The following FSTL5 variants were observed in gnomAD, a reference collection of about 807,000 sequenced individuals.
FSTL5 encodes the protein follistatin-related protein 5.
In FSTL5, 62 loss-of-function variants were observed where a neutral mutation model predicts 89.1. The observed-to-expected ratio is 0.70, with a 90% CI of 0.57 to 0.86. The LOEUF (loss-of-function observed/expected upper bound fraction) is 0.86. Among genes scored for constraint, FSTL5 ranks in the 40% least tolerant of loss-of-function variants. The pLI, the probability that FSTL5 is intolerant of heterozygous loss-of-function variation, is 0.00. For missense variants in FSTL5, 1,057 were observed against 1,001.6 expected (o/e 1.06, Z -0.75); for synonymous variants, 383 against 346.2 (o/e 1.11, Z -1.18).
In FSTL5 at chr4:161,700,412, C is replaced by T. The variant is rs150963601; in HGVS notation, c.728-43918G>A. On this transcript the variant is annotated intron_variant, in intron 6 of 15. Coordinates refer to ENST00000306100, the MANE Select transcript of FSTL5 (RefSeq NM_020116.5). The stretch of plus-strand genomic sequence containing the variant: ...TGAAGTGTTAAAAAAGAATTATATG[C>T]CTACTTGTCAAATATCTTCGTTTTT... 7.1e-3 allele frequency among the ~76,000 whole-genome samples: 1,072 copies of T among 152,018 alleles called. 7 individuals are homozygous for T. Among genetic ancestry groups the T allele is most frequent in the African/African-American group, 0.025 (1,017 of 41,476 alleles).
At chr4:161,592,786 C>G (rs1180218367) in intron 7 of FSTL5, among the ~76,000 whole-genome samples, 2 of 152,072 alleles carry the variant, frequency 1.3e-5, no homozygotes, top group Non-Finnish European at 1.5e-5. Context: ...TGGGTATAAC[C>G]CAGCAATGGG....
At chr4:161,910,150 G>C (rs961025447) in intron 4 of FSTL5, among the ~76,000 whole-genome samples, 1 of 151,872 alleles carries the variant, frequency 6.6e-6, no homozygotes, top group Non-Finnish European at 1.5e-5. Context: ...TCCTCCTTAC[G>C]ACTTTTTTCC....
chr4:161,993,183 T>C (rs1210107535), intron 3 of FSTL5, among the ~76,000 whole-genome samples: 4 of 151,512 alleles, frequency 2.6e-5, no homozygotes, highest in Non-Finnish European at 4.4e-5. Flanking sequence ...AGGGATATGG[T>C]TGTATACAAA....
chr4:161,942,865 T>C lies in FSTL5; in HGVS notation c.161-22213A>G, dbSNP rs576823415. ...AGGGAAGGCATAAAAGGCACTTAAA[T>C]TGGAAAGGAAGAAGTAAAACTGTCA... On this transcript the variant is annotated intron_variant, in intron 3 of 15. Coordinates refer to ENST00000306100, the MANE Select transcript of FSTL5 (RefSeq NM_020116.5). Among the ~76,000 whole-genome samples the C allele has an allele frequency of 5.1e-4, 77 of 152,194 alleles. 1 individual carries two copies. In the South Asian group the frequency reaches 0.016, roughly 32 times the overall value.
chr4:161,847,376 C>A (rs899426788), intron 4 of FSTL5, among the ~76,000 whole-genome samples: 3 of 152,070 alleles, frequency 2.0e-5, no homozygotes, highest in Non-Finnish European at 4.4e-5. Context: ...TAGAGAGAAA[C>A]CATTACTATC....
At chr4:161,471,811 G>A (rs554301271) in intron 13 of FSTL5, among the ~76,000 whole-genome samples, 4 of 151,938 alleles carry the variant, frequency 2.6e-5, no homozygotes, top group Non-Finnish European at 4.4e-5. Flanking sequence ...ATTTTATGTA[G>A]GTTATCCAAT....
chr4:161,396,593 G>T (rs914571830), intron 15 of FSTL5, among the ~76,000 whole-genome samples: 4 of 151,224 alleles, frequency 2.6e-5, no homozygotes, highest in Non-Finnish European at 5.9e-5. Context: ...GGCAGAGGTT[G>T]CAGTAAGCTG....
intron 4 of FSTL5, among the ~76,000 whole-genome samples, chr4:161,801,558 T>C (rs1424976998): frequency 6.6e-6 from 1 of 151,530 alleles, no homozygotes. Flanking sequence ...AGGAATTCTA[T>C]GTCCTACATT....
At chr4:161,575,818 A>G (rs373997603) in intron 8 of FSTL5, among the ~76,000 whole-genome samples, 10 of 152,078 alleles carry the variant, frequency 6.6e-5, no homozygotes, top group African/African-American at 2.4e-4. Context: ...ATCCATCTTG[A>G]GTTAATCAGG....
At chr4:162,065,330 T>G (rs1233659887) in intron 2 of FSTL5, among the ~76,000 whole-genome samples, 1 of 151,796 alleles carries the variant, frequency 6.6e-6, no homozygotes, top group East Asian at 1.9e-4. Flanking sequence ...CCAAAATGTA[T>G]AAGTAACTCA....
chr4:161,974,796 A>G lies in FSTL5; in HGVS notation c.161-54144T>C, dbSNP rs1227730414. On this transcript the variant is annotated intron_variant, in intron 3 of 15. Transcript: ENST00000306100. Reference sequence around the variant, plus strand: ...GAGCTTCTGCACAGCAAAAGAAACTACCATCAGAGTGAACAGGCAACCTAC... The same window carrying G: ...GAGCTTCTGCACAGCAAAAGAAACTGCCATCAGAGTGAACAGGCAACCTAC... 3.4e-5 allele frequency among the ~76,000 whole-genome samples: 5 copies of G among 147,472 alleles called. No individual in the cohort carries two copies. The East Asian group carries it at 6.1e-4, about 18-fold the overall frequency.
chr4:161,542,038 A>G (rs1304535082), intron 9 of FSTL5, among the ~76,000 whole-genome samples: 1 of 151,982 alleles, frequency 6.6e-6, no homozygotes, highest in Admixed American at 6.6e-5. Context: ...AGAATGTAAC[A>G]CAAACTTTAA....
chr4:161,629,507 T>A (rs1361470784), intron 7 of FSTL5, among the ~76,000 whole-genome samples: 1 of 152,014 alleles, frequency 6.6e-6, no homozygotes, highest in East Asian at 1.9e-4. Context: ...CACACCTGGC[T>A]AAGTTTTTGC....
At chr4:161,615,622 CT>C (rs1376418920) in intron 7 of FSTL5, among the ~76,000 whole-genome samples, 1 of 151,866 alleles carries the variant, frequency 6.6e-6, no homozygotes, top group South Asian at 2.1e-4. Flanking sequence ...AAAATTATAA[CT>C]TTTTTCTCCT....
At chr4:161,800,913 T>G (rs1053434512) in intron 4 of FSTL5, among the ~76,000 whole-genome samples, 1 of 151,550 alleles carries the variant, frequency 6.6e-6, no homozygotes, top group Non-Finnish European at 1.5e-5. Context: ...TTTGTCGTAT[T>G]TTAAGTAGTT....
intron 7 of FSTL5, among the ~76,000 whole-genome samples, chr4:161,590,885 G>A (rs1288739782): frequency 6.6e-6 from 1 of 152,144 alleles, no homozygotes; most frequent in African/African-American, 2.4e-5. Context: ...AATTCATTAT[G>A]TACTACCCCA....
At chr4:161,820,901 A>G (rs143218590) in intron 4 of FSTL5, among the ~76,000 whole-genome samples, 3,087 of 151,600 alleles carry the variant, frequency 0.02, 37 homozygotes, top group Middle Eastern at 0.038. Flanking sequence ...CTTTAATACG[A>G]TATTTCAAAA....
intron 2 of FSTL5, among the ~76,000 whole-genome samples, chr4:162,107,786 C>T (rs1401748886): frequency 5.3e-5 from 8 of 152,050 alleles, no homozygotes; most frequent in African/African-American, 1.2e-4. Flanking sequence ...CTGGCCTTTT[C>T]GTCCCTATGT....
rs115372019 is a variant in FSTL5, at chr4:161,554,882, G to A, written c.1016-12189C>T. ...AGCAACTTTCCTATGAAAAATTACA[G>A]ACTCGGTTTAATAAATATTTTAAAT... On this transcript the variant is annotated intron_variant, in intron 8 of 15. Transcript: ENST00000306100. Among the ~76,000 whole-genome samples, 276 of 151,726 alleles carry A rather than the reference G, an allele frequency of 1.8e-3. 2 individuals carry two copies. Among genetic ancestry groups the A allele is most frequent in the African/African-American group, 6.0e-3 (249 of 41,512 alleles).
Sources: allele counts gnomAD v4.1 joint callset (sites outside exome capture counted in the v4.1 genomes callset), GRCh38; gene constraint gnomAD v4.1.1; transcripts MANE v1.5; gene names NCBI Gene and HGNC (gene_info 2026-07-23, HGNC 2026-07-21).